The following HECW1 variants were observed in gnomAD, a reference collection of about 807,000 sequenced individuals.
HECW1 encodes E3 ubiquitin-protein ligase HECW1.
In HECW1, 61 loss-of-function variants were observed where a neutral mutation model predicts 182.3. That is an observed-to-expected ratio of 0.33 (90% CI 0.27 to 0.41). The LOEUF (loss-of-function observed/expected upper bound fraction) is 0.41. Ranked by LOEUF, HECW1 falls within the 10% of genes least tolerant of loss-of-function variation. The pLI, the probability that HECW1 is intolerant of heterozygous loss-of-function variation, is 1.00. For missense variants in HECW1, 1,739 were observed against 2,108.9 expected (o/e 0.82, Z 3.44); for synonymous variants, 859 against 832.6 (o/e 1.03, Z -0.55).
intron 6 of HECW1, among the ~76,000 whole-genome samples, chr7:43,361,815 CTTTTTTTTTTTTT>C (rs397890047): frequency 2.6e-5 from 2 of 77,980 alleles, no homozygotes; most frequent in Non-Finnish European, 2.3e-5. Flanking sequence ...AAGACTCTCT[CTTTTTTTTTTTTT>C]TTTTTTTTTT....
intron 16 of HECW1, among the ~76,000 whole-genome samples, chr7:43,471,574 C>T (rs1034948623): frequency 7.2e-5 from 11 of 152,170 alleles, no homozygotes; most frequent in Non-Finnish European, 1.5e-4. Context: ...TCAGGAGGAC[C>T]GGGGCAAAGA....
chr7:43,216,187 C>T (rs551839019), intron 2 of HECW1, among the ~76,000 whole-genome samples: 7 of 152,078 alleles, frequency 4.6e-5, no homozygotes, highest in African/African-American at 1.7e-4. Flanking sequence ...GCTCTGTCAC[C>T]CAGGCTGGAG....
chr7:43,371,080 G>C (rs1327665174), intron 6 of HECW1, among the ~76,000 whole-genome samples: 1 of 151,956 alleles, frequency 6.6e-6, no homozygotes, highest in Non-Finnish European at 1.5e-5. Context: ...GTAGAGACAG[G>C]GTTTCACCAT....
At chr7:43,504,159 C>T (rs1245574345) in intron 21 of HECW1, among the ~76,000 whole-genome samples, 1 of 152,208 alleles carries the variant, frequency 6.6e-6, no homozygotes, top group African/African-American at 2.4e-5. Context: ...CAGGTCCTTC[C>T]GTCCTCCTGG....
At chr7:43,464,634 G>C (rs2077700486) in intron 14 of HECW1, among the ~76,000 whole-genome samples, 1 of 152,114 alleles carries the variant, frequency 6.6e-6, no homozygotes, top group African/African-American at 2.4e-5. Flanking sequence ...GGCAGCACTG[G>C]GATTCCAATC....
rs1562985525 is a variant in HECW1 at position 43,444,972 on chromosome 7, C to T, written c.1800C>T (p.Leu600=). The T allele has an allele frequency of 6.4e-7, 1 of 1,564,706 alleles. No individual in the cohort carries two copies. Among genetic ancestry groups the T allele is most frequent in the South Asian group, 1.2e-5 (1 of 83,340 alleles). The change falls in exon 11 of 30, where the codon CTC becomes CTT. Residue 600 remains leucine (L), a synonymous_variant. Coordinates refer to ENST00000395891, the MANE Select transcript of HECW1 (RefSeq NM_015052.5). This position sits in a 1 kb window ranked among gnomAD's most constrained non-coding sequence, Gnocchi z 4.3. ...TLKDSSEKDG[L]SEVDTVAADP... ...AGGACTCCTCGGAGAAGGATGGGCT[C>T]AGCGAGGTGGACACGGTGGCCGCTG... is the stretch of plus-strand genomic sequence containing the variant.
intron 24 of HECW1, among the ~76,000 whole-genome samples, chr7:43,535,383 G>A (rs568260185): frequency 7.9e-5 from 12 of 152,322 alleles, no homozygotes; most frequent in Admixed American, 2.0e-4. Flanking sequence ...AGCCCTCCAT[G>A]TGTTTTTGAA....
At chr7:43,396,952 C>T (rs915229925) in intron 7 of HECW1, 63 bp downstream of exon 7, 2 of 1,177,720 alleles carry the variant, frequency 1.7e-6, no homozygotes, top group East Asian at 2.3e-5. Flanking sequence ...AGTGAAGACA[C>T]TCACTTCCAT....
intron 2 of HECW1, among the ~76,000 whole-genome samples, chr7:43,187,216 G>T (rs966784038): frequency 6.6e-6 from 1 of 152,186 alleles, no homozygotes. Context: ...CAGAGCAAAT[G>T]ATCACAGAAG....
intron 2 of HECW1, among the ~76,000 whole-genome samples, chr7:43,166,463 A>G (rs1791121797): frequency 6.6e-6 from 1 of 152,178 alleles, no homozygotes; most frequent in Non-Finnish European, 1.5e-5. Flanking sequence ...AGGATCTAGA[A>G]GCAGCACCCA....
At chr7:43,481,372 T>C (rs1207962041) in intron 17 of HECW1, among the ~76,000 whole-genome samples, 3 of 152,246 alleles carry the variant, frequency 2.0e-5, no homozygotes. Context: ...AGTATCCACA[T>C]AGGGTAACTA....
chr7:43,557,147 C>T (rs1471244279), intron 29 of HECW1, among the ~76,000 whole-genome samples: 2 of 152,180 alleles, frequency 1.3e-5, no homozygotes, highest in African/African-American at 4.8e-5. Flanking sequence ...CAGAAACTGT[C>T]GTTCGGGAAG....
intron 8 of HECW1, among the ~76,000 whole-genome samples, chr7:43,408,075 C>T (rs2075671649): frequency 6.6e-6 from 1 of 152,128 alleles, no homozygotes; most frequent in Admixed American, 6.5e-5. Context: ...ACAGCTCTTC[C>T]CATGCATGTG....
rs996434220 is a variant in HECW1, at chr7:43,479,481, G to A, written c.3100-129G>A. On this transcript the variant is annotated intron_variant, in intron 16 of 29. Transcript: ENST00000395891. The stretch of plus-strand genomic sequence containing the variant: ...AGTTTTGAGTAGATTAAAAAAGGAA[G>A]TAGGGGTAGGGGAGGCTGGGCAGAA... The A allele has an allele frequency of 3.3e-5, 36 of 1,102,360 alleles. No individual in the cohort carries two copies. In the African/African-American group the frequency reaches 4.9e-4, roughly 15 times the overall value. 68.3% of individuals were successfully genotyped at this position (1,102,360 alleles called of 1,614,324 possible).
rs1315337379 is a variant in HECW1 at position 43,143,852 on chromosome 7, C to G, written c.-32+29461C>G. Reference sequence around the variant, plus strand: ...TTGATTAAGTTAGAAATTTTTCCAGCTCAGAAGTCTAGAGGGAACTAGGTA... The same window carrying G: ...TTGATTAAGTTAGAAATTTTTCCAGGTCAGAAGTCTAGAGGGAACTAGGTA... On this transcript the variant is annotated intron_variant, in intron 2 of 29. Coordinates refer to ENST00000395891, the MANE Select transcript of HECW1 (RefSeq NM_015052.5). 3.3e-5 allele frequency among the ~76,000 whole-genome samples: 5 copies of G among 152,284 alleles called. No individual in the cohort carries two copies. In the East Asian group the frequency reaches 9.6e-4, roughly 29 times the overall value.
At chr7:43,177,274 C>G (rs973047649) in intron 2 of HECW1, among the ~76,000 whole-genome samples, 3 of 152,150 alleles carry the variant, frequency 2.0e-5, no homozygotes, top group Admixed American at 1.3e-4. Context: ...TTTGTAGGAA[C>G]AAGTCCCAGC....
intron 2 of HECW1, among the ~76,000 whole-genome samples, chr7:43,185,712 T>A (rs1474495851): frequency 6.6e-6 from 1 of 152,170 alleles, no homozygotes; most frequent in African/African-American, 2.4e-5. Context: ...AGAATTTCCA[T>A]CATATAAATT....
chr7:43,203,312 T>C (rs1304210660), intron 2 of HECW1, among the ~76,000 whole-genome samples: 2 of 152,224 alleles, frequency 1.3e-5, no homozygotes, highest in African/African-American at 4.8e-5. Flanking sequence ...CTTAGTTTCC[T>C]TTTTTGTGTA....
intron 3 of HECW1, among the ~76,000 whole-genome samples, chr7:43,278,497 C>T (rs1391152490): frequency 6.6e-6 from 1 of 152,162 alleles, no homozygotes; most frequent in Non-Finnish European, 1.5e-5. Context: ...TCACAGACCC[C>T]AGCATGGGCC....
Sources: gnomAD v4.1 joint callset for allele counts (sites outside exome capture counted in the v4.1 genomes callset) on GRCh38, gnomAD v4.1.1 for gene constraint, Gnocchi (gnomAD v3.1) non-coding constraint, MANE v1.5 for transcripts, NCBI Gene and HGNC (gene_info 2026-07-23, HGNC 2026-07-21) for gene names.